Variants in ADAMTS20 observed in about 807,000 individuals in gnomAD.
The protein encoded by ADAMTS20 is ADAM metallopeptidase with thrombospondin type 1 motif 20, also known as A disintegrin and metalloproteinase with thrombospondin motifs 20.
ADAMTS20 carries 225 observed loss-of-function variants against 260.1 expected under a neutral mutation model. The observed-to-expected ratio is 0.87, with a 90% CI of 0.78 to 0.97. The LOEUF (loss-of-function observed/expected upper bound fraction) is 0.97. Among genes scored for constraint, ADAMTS20 ranks in the 50% least tolerant of loss-of-function variants. The pLI, the probability that ADAMTS20 is intolerant of heterozygous loss-of-function variation, is 0.00. For synonymous variants in ADAMTS20, 802 were observed against 769.5 expected (o/e 1.04, Z -0.70); for missense variants, 2,400 against 2,337.7 (o/e 1.03, Z -0.55).
At chr12:43,465,098 GACTA>G (rs1439773767) in intron 9 of ADAMTS20, among the ~76,000 whole-genome samples, 4 of 152,076 alleles carry the variant, frequency 2.6e-5, no homozygotes, top group African/African-American at 4.8e-5. Flanking sequence ...CAAGTGTAAT[GACTA>G]ACTGTTAAAA....
At chr12:43,460,814 C>T (rs542777055) in intron 11 of ADAMTS20, among the ~76,000 whole-genome samples, 3 of 150,992 alleles carry the variant, frequency 2.0e-5, no homozygotes, top group East Asian at 2.0e-4. Context: ...GAACAAAAGA[C>T]GCCTGTCCCA....
chr12:43,425,737 T>G, intron 27 of ADAMTS20, 47 bp from the exon 28 acceptor site: 1 of 1,306,942 alleles, frequency 7.7e-7, no homozygotes, highest in South Asian at 1.7e-5. Flanking sequence ...TTAAAGAGAA[T>G]AATGTATTGC....
At chr12:43,538,470 C>T (rs1347850910) in intron 2 of ADAMTS20, among the ~76,000 whole-genome samples, 1 of 152,184 alleles carries the variant, frequency 6.6e-6, no homozygotes, top group Non-Finnish European at 1.5e-5. Flanking sequence ...TGTGGGTTGT[C>T]TCTTCACTTT....
intron 3 of ADAMTS20, among the ~76,000 whole-genome samples, chr12:43,512,275 GC>G (rs1942935958): frequency 6.7e-6 from 1 of 148,912 alleles, no homozygotes; most frequent in Non-Finnish European, 1.5e-5. Context: ...AGGTTAAACT[GC>G]CTATTGTAAT....
At chr12:43,501,481 G>GCACGCACACACACACACACACA in intron 4 of ADAMTS20, among the ~76,000 whole-genome samples, 1 of 117,810 alleles carries the variant, frequency 8.5e-6, no homozygotes, top group Non-Finnish European at 1.8e-5. Context: ...GCGCGCGCGC[G>GCACGCACACACACACACACACA]CACACACACA....
At chr12:43,422,124 C>T (rs11182064) in intron 28 of ADAMTS20, among the ~76,000 whole-genome samples, 33,708 of 151,900 alleles carry the variant, frequency 0.22, 4,494 homozygotes, top group African/African-American at 0.36. Context: ...TTAACATAGG[C>T]TAAGATTTAT....
intron 7 of ADAMTS20, among the ~76,000 whole-genome samples, chr12:43,471,144 C>T (rs981813928): frequency 6.6e-6 from 1 of 152,034 alleles, no homozygotes; most frequent in African/African-American, 2.4e-5. Context: ...GTGCGAGAGC[C>T]GAAGCAGGGC....
At position 43,502,312 on chromosome 12, in the gene ADAMTS20, G is replaced by A. The variant is rs781240571; in HGVS notation, c.707C>T (p.Thr236Ile). The change falls in exon 4 of 39, where the codon ACA becomes ATA. Residue 236 changes from threonine (T) to isoleucine (I), a missense_variant. Transcript: ENST00000389420. The stretch of plus-strand genomic sequence containing the variant: ...ATCTTTCAATGGTACATTTTTTGAT[G>A]TGTGTCCTAAAACTCTTTCTTTCAT... ...NVMKERVLGHTSKNVPLKDER... is the reference protein window; with the variant it reads ...NVMKERVLGHISKNVPLKDER... The A allele has an allele frequency of 1.2e-5, 19 of 1,611,930 alleles. No homozygotes were observed. Among genetic ancestry groups the A allele is most frequent in the Non-Finnish European group, 1.5e-5 (18 of 1,179,214 alleles).
chr12:43,405,790 A>T (rs532195691), intron 28 of ADAMTS20, among the ~76,000 whole-genome samples: 7 of 152,306 alleles, frequency 4.6e-5, no homozygotes, highest in African/African-American at 1.7e-4. Flanking sequence ...AAATGATCAG[A>T]CAAAAACAAA....
chr12:43,538,497 G>A (rs1943327768), intron 2 of ADAMTS20, among the ~76,000 whole-genome samples: 1 of 152,118 alleles, frequency 6.6e-6, no homozygotes, highest in Admixed American at 6.5e-5. Context: ...TGTATCCTTT[G>A]CTGTGCAGAA....
At chr12:43,363,736 T>A (rs1055489115) in intron 37 of ADAMTS20, among the ~76,000 whole-genome samples, 3 of 152,066 alleles carry the variant, frequency 2.0e-5, no homozygotes, top group African/African-American at 7.2e-5. Flanking sequence ...AAGAGGAGGG[T>A]AGTAGCTCAA....
chr12:43,433,722 A>G (rs1941495149), intron 19 of ADAMTS20: 1 of 435,134 alleles, frequency 2.3e-6, no homozygotes, highest in South Asian at 1.7e-5. Flanking sequence ...ACACACACAC[A>G]CACACACACA....
chr12:43,428,839 A>C, intron 24 of ADAMTS20, 40 bp from the exon 25 acceptor site: 3 of 1,541,470 alleles, frequency 1.9e-6, no homozygotes, highest in Non-Finnish European at 2.6e-6. Context: ...ATTATACAGT[A>C]GTACCTCACC....
chr12:43,387,009 C>T (rs544474750), intron 29 of ADAMTS20, among the ~76,000 whole-genome samples: 22 of 152,336 alleles, frequency 1.4e-4, no homozygotes, highest in Non-Finnish European at 1.5e-5. Context: ...AACTCATTCT[C>T]TGTCCAGTTT....
intron 7 of ADAMTS20, among the ~76,000 whole-genome samples, chr12:43,481,736 T>G (rs866724708): frequency 2.9e-4 from 44 of 152,316 alleles, no homozygotes; most frequent in Middle Eastern, 6.8e-3. Context: ...TGTTTTATTT[T>G]TTTTCTCCAA....
chr12:43,497,032 T>C (rs1942687444), intron 4 of ADAMTS20, among the ~76,000 whole-genome samples: 1 of 152,214 alleles, frequency 6.6e-6, no homozygotes, highest in Non-Finnish European at 1.5e-5. Flanking sequence ...TCTAAAAGCC[T>C]TGTAATATTT....
intron 14 of ADAMTS20, among the ~76,000 whole-genome samples, chr12:43,446,965 C>T (rs1341400551): frequency 1.3e-5 from 2 of 151,926 alleles, no homozygotes; most frequent in East Asian, 3.9e-4. Context: ...CCTGGACAGA[C>T]CAATAATGAG....
intron 18 of ADAMTS20, among the ~76,000 whole-genome samples, chr12:43,438,261 A>C (rs1169853607): frequency 6.6e-6 from 1 of 151,818 alleles, no homozygotes; most frequent in Non-Finnish European, 1.5e-5. Flanking sequence ...ATGTTCCTTC[A>C]TTCTCCTGTT....
At chr12:43,373,337 C>T (rs1378960374) in intron 36 of ADAMTS20, among the ~76,000 whole-genome samples, 3 of 152,094 alleles carry the variant, frequency 2.0e-5, no homozygotes, top group African/African-American at 4.8e-5. Context: ...AAACTTAGAG[C>T]GCTAATAACA....
Sources: allele counts gnomAD v4.1 joint callset (sites outside exome capture counted in the v4.1 genomes callset), GRCh38; gene constraint gnomAD v4.1.1; transcripts MANE v1.5; gene names NCBI Gene and HGNC (gene_info 2026-07-23, HGNC 2026-07-21).